DMD: variants seen among roughly 807,000 people sequenced by gnomAD.
DMD encodes dystrophin.
A neutral mutation model predicts 330.1 loss-of-function variants in DMD; 63 were observed. The observed-to-expected ratio is 0.19, with a 90% confidence interval of 0.16 to 0.24. The LOEUF (loss-of-function observed/expected upper bound fraction) is 0.24. Among genes scored for constraint, DMD ranks in the 10% least tolerant of loss-of-function variants. The pLI, the probability that DMD is intolerant of heterozygous loss-of-function variation, is 1.00. For synonymous variants in DMD, 1,223 were observed against 959.8 expected (o/e 1.27, Z -5.07); for missense variants, 3,344 against 2,684.1 (o/e 1.25, Z -5.43).
chrX:31,916,930 T>C (rs1308653137), intron 47 of DMD, among the ~76,000 whole-genome samples: 1 of 112,662 alleles, frequency 8.9e-6, no homozygotes, highest in African/African-American at 3.2e-5. Flanking sequence ...ATATGTATCT[T>C]CTGTGGTCGG....
At chrX:32,037,054 G>T (rs762043206) in intron 44 of DMD, among the ~76,000 whole-genome samples, 1 of 111,838 alleles carries the variant, frequency 8.9e-6, no homozygotes, top group East Asian at 2.8e-4. Context: ...ACATGATGTG[G>T]AGACAACAAA....
At position 32,809,540 on chromosome X, in the gene DMD, T is replaced by A. The variant is rs1030277417; in HGVS notation, c.602A>T (p.Asn201Ile). 1 of 1,209,369 alleles carries A rather than the reference T, an allele frequency of 8.3e-7. No individual in the cohort carries two copies. The highest frequency in any genetic ancestry group is 1.8e-5 in the African/African-American group (1 of 57,011). ...TATGCCTAATTGATATCTGGCGATG[T>A]TGAATGCATGTTCCAGTCGTTGTGT... ...SATQRLEHAF[N>I]IARYQLGIEK... The change falls in exon 7 of 79, where the codon AAC (asparagine) becomes ATC (isoleucine). Residue 201 changes from asparagine (N) to isoleucine (I), a missense_variant. By Grantham distance (149) the Asn-to-Ile change is moderately radical. Coordinates refer to ENST00000357033, the MANE Select transcript of DMD (RefSeq NM_004006.3).
rs72466581 is a variant in DMD at position 31,679,427 on chromosome X, T to A, written c.7820A>T (p.Lys2607Met). 2.6e-5 allele frequency: 31 copies of A among 1,210,027 alleles called. No homozygotes were observed. The African/African-American group carries it at 4.5e-4, about 18-fold the overall frequency. Residue 2607 changes from lysine to methionine, a missense_variant, in exon 53 of 79, where the codon AAG becomes ATG. By Grantham distance (95) the Lys-to-Met change is moderately conservative. Coordinates refer to ENST00000357033, the MANE Select transcript of DMD (RefSeq NM_004006.3). ...TGCATCTACTGTATAGGGACCCTCC[T>A]TCCATGACTCAAGCTTGGCTCTGGC... ...GQARAKLESWKEGPYTVDAIQ... is the reference protein window; with the variant it reads ...GQARAKLESWMEGPYTVDAIQ...
chrX:32,643,929 T>A lies in DMD; in HGVS notation c.1331+203A>T, dbSNP rs138441227. 4.5e-3 allele frequency among the ~76,000 whole-genome samples: 501 copies of A among 111,871 alleles called. 2 individuals carry two copies. The highest frequency in any genetic ancestry group is 0.015 in the African/African-American group (476 of 30,880). Reference sequence around the variant, plus strand: ...ACATAGTTCTGTAGATAACAGTGCATCTATCTAACATCTGCTCTTTTAGTT... The same window carrying A: ...ACATAGTTCTGTAGATAACAGTGCAACTATCTAACATCTGCTCTTTTAGTT... On this transcript the variant is annotated intron_variant, in intron 11 of 78. Transcript: ENST00000357033.
upstream of DMD, among the ~76,000 whole-genome samples, chrX:33,214,103 ATAG>A (rs2052008460): frequency 9.3e-6 from 1 of 107,759 alleles, no homozygotes; most frequent in African/African-American, 3.4e-5. Context: ...GTTGTCATCA[ATAG>A]CTTATTTCCT....
At position 32,248,231 on chromosome X, in the gene DMD, T is replaced by C. The variant is rs185795036; in HGVS notation, c.6291-31168A>G. Among the ~76,000 whole-genome samples, 520 of 111,641 alleles carry C rather than the reference T, an allele frequency of 4.7e-3. 2 individuals carry two copies. The highest frequency in any genetic ancestry group is 0.016 in the African/African-American group (491 of 30,821). On this transcript the variant is annotated intron_variant, in intron 43 of 78. Coordinates refer to ENST00000357033, the MANE Select transcript of DMD (RefSeq NM_004006.3). ...CTCAGGTACAGCCAATACTTATATA[T>C]GAATTTTAATAATCAATATTTAATG...
chrX:31,909,228 C>CTATTCTTCTCACCA (rs1303425950), intron 47 of DMD, among the ~76,000 whole-genome samples: 1 of 111,603 alleles, frequency 9.0e-6, no homozygotes, highest in African/African-American at 3.3e-5. Flanking sequence ...TACTTCTCTA[C>CTATTCTTCTCACCA]CTTTGTTGTG....
chrX:32,906,663 G>A (rs776128776), intron 2 of DMD, among the ~76,000 whole-genome samples: 2 of 111,643 alleles, frequency 1.8e-5, no homozygotes, highest in East Asian at 2.8e-4. Flanking sequence ...AATGAGAGGC[G>A]TTTTAATGAA....
intron 1 of DMD, among the ~76,000 whole-genome samples, chrX:33,044,075 A>G (rs1204797699): frequency 9.0e-6 from 1 of 111,428 alleles, no homozygotes; most frequent in Non-Finnish European, 1.9e-5. Context: ...GAACACTTTC[A>G]TGGGCGTTCC....
intron 1 of DMD, among the ~76,000 whole-genome samples, chrX:33,029,407 A>T (rs1200191547): frequency 8.9e-6 from 1 of 112,000 alleles, no homozygotes; most frequent in African/African-American, 3.2e-5. Context: ...ATCTTTCATG[A>T]CTGTCATGCT....
intron 1 of DMD, among the ~76,000 whole-genome samples, chrX:33,249,514 C>T (rs2052733850): frequency 9.0e-6 from 1 of 111,665 alleles, no homozygotes; most frequent in Admixed American, 9.6e-5. Flanking sequence ...ATTGCATTTA[C>T]TTCATAAGAC....
intron 1 of DMD, among the ~76,000 whole-genome samples, chrX:33,227,810 A>G (rs1368825617): frequency 2.7e-5 from 3 of 111,193 alleles, no homozygotes; most frequent in East Asian, 5.6e-4. Context: ...AAACACAAAT[A>G]AACACCATTT....
chrX:31,821,212 C>T (rs935376649), intron 49 of DMD, among the ~76,000 whole-genome samples: 7 of 112,937 alleles, frequency 6.2e-5, no homozygotes, highest in African/African-American at 2.2e-4. Flanking sequence ...CAGTTGTTCT[C>T]ATACTTTAGG....
chrX:33,041,314 T>G, intron 1 of DMD: 13 of 1,077,271 alleles, frequency 1.2e-5, no homozygotes, highest in Non-Finnish European at 1.6e-5. Context: ...CGACCAAGCC[T>G]AAATAGCTAC....
intron 60 of DMD, among the ~76,000 whole-genome samples, chrX:31,409,016 A>G (rs2061527222): frequency 1.8e-5 from 2 of 110,052 alleles, no homozygotes; most frequent in South Asian, 7.8e-4. Flanking sequence ...ATTCCCACCT[A>G]TGAGTGAGAA....
At chrX:31,565,940 G>T (rs1035189209) in intron 55 of DMD, among the ~76,000 whole-genome samples, 1 of 111,887 alleles carries the variant, frequency 8.9e-6, no homozygotes, top group Non-Finnish European at 1.9e-5. Flanking sequence ...GATGTGTCTT[G>T]CCCATTTCCT....
rs1334305032 is a variant in DMD at position 32,633,529 on chromosome X, A to G, written c.1331+10603T>C. ...TCATCCAACTTCTGTCTGTTACCCA[A>G]TTTCAAAGCAGCTTCTACATTTTCA... On this transcript the variant is annotated intron_variant, in intron 11 of 78. Coordinates refer to ENST00000357033, the MANE Select transcript of DMD (RefSeq NM_004006.3). Among the ~76,000 whole-genome samples, 11 of 111,833 alleles carry G rather than the reference A, an allele frequency of 9.8e-5. No homozygotes were observed. The East Asian group carries it at 2.0e-3, about 20-fold the overall frequency.
chrX:32,144,082 G>A (rs1368733020), intron 44 of DMD, among the ~76,000 whole-genome samples: 2 of 111,661 alleles, frequency 1.8e-5, no homozygotes, highest in Non-Finnish European at 3.8e-5. Context: ...AGCATTTGAG[G>A]TCACAATGTT....
At chrX:33,158,802 G>C (rs2048626899) in intron 1 of DMD, among the ~76,000 whole-genome samples, 1 of 111,177 alleles carries the variant, frequency 9.0e-6, no homozygotes, top group African/African-American at 3.3e-5. Flanking sequence ...TATTTATTTG[G>C]TCTGTATGCA....
Sources: gnomAD v4.1 joint callset for allele counts (sites outside exome capture counted in the v4.1 genomes callset) on GRCh38, gnomAD v4.1.1 for gene constraint, MANE v1.5 for transcripts, NCBI Gene and HGNC (gene_info 2026-07-23, HGNC 2026-07-21) for gene names.